TAF4: variants seen among roughly 807,000 people sequenced by gnomAD.
TAF4 encodes transcription initiation factor TFIID subunit 4.
Under a neutral mutation model 90.3 loss-of-function variants are expected in TAF4, and 9 were observed. The observed-to-expected ratio is 0.10, with a 90% CI of 0.06 to 0.17. TAF4 has a LOEUF of 0.17. Among genes scored for constraint, TAF4 ranks in the 10% least tolerant of loss-of-function variants. The pLI, the probability that TAF4 is intolerant of heterozygous loss-of-function variation, is 1.00. For synonymous variants in TAF4, 818 were observed against 638.9 expected, an observed-to-expected ratio of 1.28 and a Z score of -4.23; for missense variants, 1,351 against 1,370.7, an observed-to-expected ratio of 0.99 and a Z score of 0.23.
At chr20:61,982,003 T>C (rs375490498) in intron 14 of TAF4, among the ~76,000 whole-genome samples, 118 of 24,708 alleles carry the variant, frequency 4.8e-3, no homozygotes, top group Middle Eastern at 0.031. Flanking sequence ...GACACCAAAC[T>C]CACACCCCAC....
intron 1 of TAF4, among the ~76,000 whole-genome samples, chr20:62,022,908 G>T (rs2055851771): frequency 1.3e-5 from 2 of 149,650 alleles, no homozygotes; most frequent in Non-Finnish European, 3.0e-5. Flanking sequence ...CATGAACTTT[G>T]ATTCATCCTC....
intron 11 of TAF4, 22 bp downstream of exon 11, chr20:62,000,102 T>C (rs760335097): frequency 6.8e-6 from 11 of 1,614,222 alleles, no homozygotes; most frequent in Non-Finnish European, 9.3e-6. Context: ...AAAGACGCTC[T>C]CCTCGGCAAA....
chr20:62,064,500 C>T lies in TAF4; in HGVS notation c.1311G>A (p.Pro437=), dbSNP rs369309204. 41 of 1,516,374 alleles carry T rather than the reference C, an allele frequency of 2.7e-5. No homozygotes were observed. The East Asian group carries it at 9.4e-4, about 35-fold the overall frequency. The allele number at this position is 1,516,374 out of a possible 1,614,324, so 93.9% of individuals were successfully genotyped here. The part of the protein sequence containing the change: ...LTPTVLAPRL[P]QPPQNPTNIQ... ...TGTTGGTCGGGTTCTGAGGCGGCTG[C>T]GGCAAGCGGGGGGCCAGCACGGTGG... Residue 437 remains proline (P), a synonymous_variant, in exon 1 of 15, where the codon CCG becomes CCA. Transcript: ENST00000252996.
intron 1 of TAF4, among the ~76,000 whole-genome samples, chr20:62,014,991 G>A (rs28382044): frequency 0.015 from 2,246 of 152,274 alleles, 57 homozygotes; most frequent in African/African-American, 0.051. Context: ...GCTTCCACCG[G>A]CCACACCACG....
At chr20:62,035,614 A>G (rs2055927889) in intron 1 of TAF4, among the ~76,000 whole-genome samples, 1 of 152,276 alleles carries the variant, frequency 6.6e-6, no homozygotes, top group Non-Finnish European at 1.5e-5. Context: ...TTAGAAGAAA[A>G]TACAGAAGAC....
chr20:62,012,686 T>C, intron 3 of TAF4, 129 bp downstream of exon 3: 1 of 1,267,394 alleles, frequency 7.9e-7, no homozygotes, highest in Non-Finnish European at 1.0e-6. Context: ...CAGAGAACCT[T>C]CCTCCCCAGA....
intron 1 of TAF4, among the ~76,000 whole-genome samples, chr20:62,047,946 T>G (rs1358352801): frequency 6.6e-6 from 1 of 152,160 alleles, no homozygotes; most frequent in Non-Finnish European, 1.5e-5. Context: ...CCGGCAACCC[T>G]GCCCCGGGAC....
chr20:61,994,647 G>A (rs986196384), intron 14 of TAF4, among the ~76,000 whole-genome samples: 1 of 152,170 alleles, frequency 6.6e-6, no homozygotes, highest in South Asian at 2.1e-4. Context: ...GCCCCAGCAC[G>A]GAGGTCTGGG....
At chr20:62,044,913 C>G (rs927074771) in intron 1 of TAF4, among the ~76,000 whole-genome samples, 2 of 152,160 alleles carry the variant, frequency 1.3e-5, no homozygotes, top group African/African-American at 4.8e-5. Flanking sequence ...ACCAGAGGCA[C>G]CAAACAGGAT....
intron 1 of TAF4, among the ~76,000 whole-genome samples, chr20:62,044,030 A>G (rs1361821014): frequency 6.6e-6 from 1 of 152,190 alleles, no homozygotes; most frequent in Non-Finnish European, 1.5e-5. Context: ...CTTAAGACTG[A>G]GCCTCCCCTG....
intron 14 of TAF4, among the ~76,000 whole-genome samples, chr20:61,977,208 C>CCA (rs1261536401): frequency 2.1e-5 from 3 of 143,164 alleles, no homozygotes; most frequent in Non-Finnish European, 4.6e-5. Flanking sequence ...GGGGCGCGCG[C>CCA]CACACACACA....
Position 62,006,829 on chromosome 20 carries a change from G to A in TAF4, c.1975-71C>T, listed in dbSNP as rs1040777170. The A allele has an allele frequency of 3.5e-6, 5 of 1,417,758 alleles. No homozygotes were observed. The African/African-American group carries it at 7.4e-5, about 21-fold the overall frequency. The allele number at this position is 1,417,758 out of a possible 1,614,324, so 87.8% of individuals were successfully genotyped here. A position where few individuals can be genotyped will look rare whatever the true frequency, so the allele number is the denominator to read the frequency against. On this transcript the variant is annotated intron_variant, in intron 6 of 14. Transcript: ENST00000252996. The surrounding 1 kb of genome is among the most constrained non-coding windows in gnomAD (Gnocchi z 7.0). ...TCGGTTTTCCTTGCTTAAAAATTCA[G>A]AAATATCAACTTTTACAGAAAGCTT...
intron 1 of TAF4, among the ~76,000 whole-genome samples, chr20:62,063,018 T>TA (rs2056098315): frequency 6.6e-6 from 1 of 152,190 alleles, no homozygotes; most frequent in African/African-American, 2.4e-5. Flanking sequence ...CGTTTCCTAC[T>TA]AAAAGGTCAA....
At position 61,992,700 on chromosome 20, in the gene TAF4, C is replaced by T. The variant is rs572610101; in HGVS notation, c.3090+4850G>A. ...AGTCCCAGCGAGTGGTCTTCAAACG[C>T]CATTTCCCACTAGAAGAAACCAGTT... On this transcript the variant is annotated intron_variant, in intron 14 of 14. Transcript: ENST00000252996. Among the ~76,000 whole-genome samples, 15 of 152,296 alleles carry T rather than the reference C, an allele frequency of 9.8e-5. No homozygotes were observed. The South Asian group carries it at 1.7e-3, about 17-fold the overall frequency.
chr20:62,021,774 G>A (rs2055844804), intron 1 of TAF4, among the ~76,000 whole-genome samples: 1 of 151,946 alleles, frequency 6.6e-6, no homozygotes, highest in Admixed American at 6.6e-5. Flanking sequence ...ACAGGCATAT[G>A]ATTAAAGTTC....
In TAF4 at chr20:62,006,356, T is replaced by C. The variant is rs2055745016; in HGVS notation, c.2223+154A>G. The C allele has an allele frequency of 2.9e-6, 3 of 1,050,280 alleles. No individual in the cohort carries two copies. Among genetic ancestry groups the C allele is most frequent in the Non-Finnish European group, 3.7e-6 (3 of 814,234 alleles). The allele number at this position is 1,050,280 out of a possible 1,614,324, so 65.1% of individuals were successfully genotyped here. A position where few individuals can be genotyped will look rare whatever the true frequency, so the allele number is the denominator to read the frequency against. Reference sequence around the variant, plus strand: ...CCAGGGCCTCAACCTCTGGTTTCTATTTTAACTATTTAAGGTAATACCCAA... The same window carrying C: ...CCAGGGCCTCAACCTCTGGTTTCTACTTTAACTATTTAAGGTAATACCCAA... On this transcript the variant is annotated intron_variant, in intron 7 of 14. Coordinates refer to ENST00000252996, the MANE Select transcript of TAF4 (RefSeq NM_003185.4). This position sits in a 1 kb window ranked among gnomAD's most constrained non-coding sequence, Gnocchi z 7.0.
At chr20:62,064,299 C>T (rs1032301707) in intron 1 of TAF4, 152 bp downstream of exon 1, 2 of 923,422 alleles carry the variant, frequency 2.2e-6, no homozygotes, top group Non-Finnish European at 2.9e-6. Flanking sequence ...CGGGCTGGCC[C>T]CGCACCTGGG....
In TAF4 at chr20:61,986,868, AAGAC is replaced by A. The variant is rs1254520206; in HGVS notation, c.3091-10537_3091-10534del. Among the ~76,000 whole-genome samples the A allele has an allele frequency of 1.2e-4, 19 of 152,386 alleles. 1 individual carries two copies. The highest frequency in any genetic ancestry group is 4.1e-4 in the African/African-American group (17 of 41,598). Reference sequence around the variant, plus strand: ...ATTCCAATTAATAAATGTAAACAGAAAGACAGAAATAGAAAGTCAGCATCAGACG... The same window carrying A: ...ATTCCAATTAATAAATGTAAACAGAAAGAAATAGAAAGTCAGCATCAGACG... On this transcript the variant is annotated intron_variant, in intron 14 of 14. Transcript: ENST00000252996.
At chr20:62,037,197 T>G (rs560132372) in intron 1 of TAF4, among the ~76,000 whole-genome samples, 1 of 151,926 alleles carries the variant, frequency 6.6e-6, no homozygotes, top group African/African-American at 2.4e-5. Context: ...TCCCCCAAGA[T>G]CAGAAACAAG....
Sources: allele counts gnomAD v4.1 joint callset (sites outside exome capture counted in the v4.1 genomes callset), GRCh38; gene constraint gnomAD v4.1.1; non-coding constraint Gnocchi (gnomAD v3.1); transcripts MANE v1.5; gene names NCBI Gene and HGNC (gene_info 2026-07-23, HGNC 2026-07-21).